Variants in DLG2 observed in about 807,000 individuals in gnomAD.
DLG2 encodes the protein disks large homolog 2.
A neutral mutation model predicts 132.5 loss-of-function variants in DLG2; 45 were observed. The ratio of observed to expected loss-of-function variants is 0.34; its 90% CI spans 0.27 to 0.44. The LOEUF is 0.44. Ranked by LOEUF, DLG2 falls within the 20% of genes least tolerant of loss-of-function variation. DLG2 has a pLI of 1.00. For missense variants in DLG2, 1,045 were observed against 1,196.9 expected (o/e 0.87, Z 1.87); for synonymous variants, 424 against 419.6 (o/e 1.01, Z -0.13).
chr11:84,225,689 TC>T (rs1354907387), intron 8 of DLG2, among the ~76,000 whole-genome samples: 1 of 152,176 alleles, frequency 6.6e-6, no homozygotes, highest in Non-Finnish European at 1.5e-5. Context: ...ACAAAAATTC[TC>T]TATATTTTTC....
rs576165191 is a variant in DLG2 at position 84,611,428 on chromosome 11, T to C, written c.358-76697A>G. Among the ~76,000 whole-genome samples, 3 of 152,240 alleles carry C rather than the reference T, an allele frequency of 2.0e-5. No homozygotes were observed. In the South Asian group the frequency reaches 6.2e-4, roughly 32 times the overall value. On this transcript the variant is annotated intron_variant, in intron 6 of 27. Transcript: ENST00000376104. ...ATTGAACAATATGGTTAACAGTATA[T>C]ACAGATGAACAGAGACAGTTCATGA...
At chr11:84,200,944 C>A (rs2374497) in intron 8 of DLG2, among the ~76,000 whole-genome samples, 3,057 of 152,258 alleles carry the variant, frequency 0.02, 43 homozygotes, top group Non-Finnish European at 0.03. Flanking sequence ...TTATTTCTTT[C>A]TCTTGCCTGA....
At chr11:85,499,876 G>A (rs376485324) in intron 3 of DLG2, among the ~76,000 whole-genome samples, 2 of 152,028 alleles carry the variant, frequency 1.3e-5, no homozygotes, top group African/African-American at 2.4e-5. Flanking sequence ...TGCAGAAAAG[G>A]CCTCTGACAA....
chr11:85,265,999 G>T (rs911826531), intron 4 of DLG2, among the ~76,000 whole-genome samples: 3 of 152,156 alleles, frequency 2.0e-5, no homozygotes, highest in Non-Finnish European at 4.4e-5. Context: ...ACCAAATGTG[G>T]GTACCCAAAA....
intron 18 of DLG2, among the ~76,000 whole-genome samples, chr11:83,785,414 CA>C (rs1157459940): frequency 6.6e-6 from 1 of 152,142 alleles, no homozygotes; most frequent in Non-Finnish European, 1.5e-5. Context: ...TAATATTTAG[CA>C]AATAGAAAGA....
At chr11:84,525,480 T>C (rs2099317496) in intron 7 of DLG2, among the ~76,000 whole-genome samples, 1 of 152,134 alleles carries the variant, frequency 6.6e-6, no homozygotes, top group Non-Finnish European at 1.5e-5. Context: ...GTCCTGATGA[T>C]ATCTCTTTTT....
At chr11:84,908,020 G>A (rs1464519053) in intron 6 of DLG2, among the ~76,000 whole-genome samples, 1 of 152,040 alleles carries the variant, frequency 6.6e-6, no homozygotes, top group African/African-American at 2.4e-5. Context: ...GGGAGGAAGA[G>A]CACAAACCAC....
intron 6 of DLG2, among the ~76,000 whole-genome samples, chr11:84,649,725 C>T (rs572143741): frequency 3.3e-5 from 5 of 152,276 alleles, no homozygotes; most frequent in African/African-American, 1.2e-4. Context: ...CAGATCTTGT[C>T]TTTGGCCCAT....
At chr11:83,597,316 G>T (rs1337154917) in intron 19 of DLG2, among the ~76,000 whole-genome samples, 1 of 152,086 alleles carries the variant, frequency 6.6e-6, no homozygotes, top group Non-Finnish European at 1.5e-5. Context: ...CCCACACATG[G>T]TATGTGCTCA....
chr11:84,713,978 A>G (rs907949541), intron 6 of DLG2, among the ~76,000 whole-genome samples: 1 of 152,142 alleles, frequency 6.6e-6, no homozygotes, highest in Non-Finnish European at 1.5e-5. Flanking sequence ...TGCAGACTCA[A>G]CATGATTACA....
intron 6 of DLG2, among the ~76,000 whole-genome samples, chr11:84,920,498 A>C (rs1430609250): frequency 6.6e-6 from 1 of 152,170 alleles, no homozygotes; most frequent in Non-Finnish European, 1.5e-5. Flanking sequence ...CCCTGCATAG[A>C]TGTCCATTAT....
chr11:84,718,150 G>C (rs1001425151), intron 6 of DLG2, among the ~76,000 whole-genome samples: 1 of 151,870 alleles, frequency 6.6e-6, no homozygotes, highest in Non-Finnish European at 1.5e-5. Context: ...GTTAAGTATG[G>C]TTATAATATA....
Position 84,934,511 on chromosome 11 carries a change from TTTTGTTTTG to T in DLG2, c.357+177141_357+177149del, listed in dbSNP as rs1453832698. Among the ~76,000 whole-genome samples, 4 of 82,598 alleles carry T rather than the reference TTTTGTTTTG, an allele frequency of 4.8e-5. 1 individual carries two copies. The highest frequency in any genetic ancestry group is 4.0e-4 in the South Asian group (1 of 2,480). 54.2% of individuals were successfully genotyped at this position (82,598 alleles called of 152,430 possible). A position where few individuals can be genotyped will look rare whatever the true frequency, so the allele number is the denominator to read the frequency against. On this transcript the variant is annotated intron_variant, in intron 6 of 27. Coordinates refer to ENST00000376104, the MANE Select transcript of DLG2 (RefSeq NM_001142699.3). ...ATCTGTATGGTCCTGGGTGTTTTTT[TTTTGTTTTG>T]TTTTGTTTTTTTTTTTTTTTTTTTT...
chr11:84,538,598 G>GT lies in DLG2; in HGVS notation c.358-3868dup, dbSNP rs113029208. 3.9e-3 allele frequency among the ~76,000 whole-genome samples: 576 copies of GT among 145,940 alleles called. 1 individual carries two copies. The highest frequency in any genetic ancestry group is 8.1e-3 in the African/African-American group (324 of 40,118). On this transcript the variant is annotated intron_variant, in intron 6 of 27. Coordinates refer to ENST00000376104, the MANE Select transcript of DLG2 (RefSeq NM_001142699.3). ...CCTTTGTGCTTCCCTTACTCCCTAT[G>GT]TTTTTTTTTTTTCTTGGAACTGCCC... is the stretch of plus-strand genomic sequence containing the variant.
At chr11:84,807,554 G>C (rs2153967753) in intron 6 of DLG2, among the ~76,000 whole-genome samples, 1 of 152,204 alleles carries the variant, frequency 6.6e-6, no homozygotes, top group South Asian at 2.1e-4. Flanking sequence ...TCAATTCACA[G>C]TCACGGATTA....
At position 85,170,932 on chromosome 11, in the gene DLG2, C is replaced by G. The variant is rs537453360; in HGVS notation, c.187-16281G>C. Among the ~76,000 whole-genome samples the G allele has an allele frequency of 2.8e-5, 4 of 140,974 alleles. 1 individual carries two copies. In the South Asian group the frequency reaches 8.8e-4, roughly 31 times the overall value. The allele number at this position is 140,974 out of a possible 152,430, so 92.5% of individuals were successfully genotyped here. ...TTAGGACTCCACAAATAAGGCATAA[C>G]AAATAAAAAAAAAAAACAGGGGAGA... On this transcript the variant is annotated intron_variant, in intron 4 of 27. Transcript: ENST00000376104.
chr11:85,507,096 A>G (rs1453889768), intron 3 of DLG2, among the ~76,000 whole-genome samples: 1 of 152,038 alleles, frequency 6.6e-6, no homozygotes, highest in African/African-American at 2.4e-5. Context: ...TTTTAAGCCT[A>G]TGTGTGTGTC....
chr11:84,000,881 A>G (rs969414046), intron 11 of DLG2, among the ~76,000 whole-genome samples: 1 of 152,156 alleles, frequency 6.6e-6, no homozygotes, highest in African/African-American at 2.4e-5. Context: ...TGGAAGGAAA[A>G]GGACACATCT....
chr11:85,297,773 G>A (rs1388814485), intron 3 of DLG2, among the ~76,000 whole-genome samples: 1 of 152,038 alleles, frequency 6.6e-6, no homozygotes, highest in Non-Finnish European at 1.5e-5. Flanking sequence ...AGTGGCCCAG[G>A]GCCTAATCAA....
Sources: allele counts gnomAD v4.1 joint callset (sites outside exome capture counted in the v4.1 genomes callset), GRCh38; gene constraint gnomAD v4.1.1; transcripts MANE v1.5; gene names NCBI Gene and HGNC (gene_info 2026-07-23, HGNC 2026-07-21).